The following ATG10 variants were observed in gnomAD, a reference collection of about 807,000 sequenced individuals.
ATG10 encodes ubiquitin-like-conjugating enzyme ATG10.
In ATG10, 30 loss-of-function variants were observed where a neutral mutation model predicts 32.1. The observed-to-expected ratio is 0.94, with a 90% CI of 0.70 to 1.27. The LOEUF is 1.27. ATG10 is among the 50% of genes most tolerant of loss of function. ATG10 has a pLI of 0.00. For synonymous variants in ATG10, 87 were observed against 91.5 expected (o/e 0.95, Z 0.28); for missense variants, 233 against 262.3 (o/e 0.89, Z 0.77).
intron 5 of ATG10, among the ~76,000 whole-genome samples, chr5:82,229,220 A>G (rs1462876074): frequency 1.3e-5 from 2 of 152,188 alleles, no homozygotes; most frequent in African/African-American, 4.8e-5. Flanking sequence ...ATGCTCTGAG[A>G]CAATTTTACT....
chr5:82,151,605 T>C (rs1767595975), intron 3 of ATG10, among the ~76,000 whole-genome samples: 2 of 150,124 alleles, frequency 1.3e-5, no homozygotes, highest in Admixed American at 1.3e-4. Flanking sequence ...TTTAAAAGTT[T>C]CCTGCAAAGA....
intron 2 of ATG10, among the ~76,000 whole-genome samples, chr5:82,007,044 G>A (rs1334674206): frequency 6.6e-6 from 1 of 151,968 alleles, no homozygotes; most frequent in Non-Finnish European, 1.5e-5. Flanking sequence ...AGTAGAGATG[G>A]GGTTTTACCA....
chr5:82,025,252 T>C (rs1762561073), intron 2 of ATG10, among the ~76,000 whole-genome samples: 2 of 152,156 alleles, frequency 1.3e-5, no homozygotes, highest in Non-Finnish European at 2.9e-5. Context: ...TAACATAGGG[T>C]CATAAAAATG....
intron 2 of ATG10, among the ~76,000 whole-genome samples, chr5:82,012,425 T>C (rs1398781800): frequency 6.6e-6 from 1 of 152,214 alleles, no homozygotes; most frequent in Non-Finnish European, 1.5e-5. Context: ...GGTACTTTCT[T>C]TTGTGATTTT....
At chr5:82,064,017 T>G (rs916814129) in intron 3 of ATG10, among the ~76,000 whole-genome samples, 5 of 152,172 alleles carry the variant, frequency 3.3e-5, no homozygotes, top group African/African-American at 1.2e-4. Context: ...TGAAAGGGAT[T>G]GATTGTGCTC....
At chr5:82,046,335 C>T (rs538943210) in intron 2 of ATG10, among the ~76,000 whole-genome samples, 4 of 152,218 alleles carry the variant, frequency 2.6e-5, no homozygotes, top group African/African-American at 7.2e-5. Context: ...AAATCCAATA[C>T]GACTGGTATC....
chr5:82,243,646 C>T (rs113113275), intron 5 of ATG10, among the ~76,000 whole-genome samples: 347 of 152,036 alleles, frequency 2.3e-3, no homozygotes, highest in African/African-American at 7.9e-3. Context: ...TCACAGCTTC[C>T]GGATATATAA....
intron 5 of ATG10, among the ~76,000 whole-genome samples, chr5:82,217,673 A>C (rs1325690377): frequency 6.6e-6 from 1 of 151,966 alleles, no homozygotes; most frequent in African/African-American, 2.4e-5. Flanking sequence ...GCATTGTCTC[A>C]TTTAATTCTC....
chr5:82,085,178 A>G (rs1764634120), intron 3 of ATG10, among the ~76,000 whole-genome samples: 2 of 152,288 alleles, frequency 1.3e-5, no homozygotes, highest in South Asian at 4.2e-4. Context: ...CAGGGGTTGC[A>G]ATCCTAGTCT....
intron 5 of ATG10, among the ~76,000 whole-genome samples, chr5:82,192,240 C>CA (rs1345550889): frequency 2.6e-5 from 4 of 152,164 alleles, no homozygotes; most frequent in Non-Finnish European, 5.9e-5. Context: ...TCTAGAATGA[C>CA]AGATTCCTGA....
At chr5:82,172,486 G>A (rs1743845767) in intron 4 of ATG10, among the ~76,000 whole-genome samples, 1 of 152,114 alleles carries the variant, frequency 6.6e-6, no homozygotes, top group Non-Finnish European at 1.5e-5. Context: ...TTGACACTTA[G>A]TGCCTTTCAA....
At chr5:82,035,311 T>C (rs1372081691) in intron 2 of ATG10, among the ~76,000 whole-genome samples, 3 of 152,220 alleles carry the variant, frequency 2.0e-5, no homozygotes, top group Non-Finnish European at 4.4e-5. Flanking sequence ...CCCTCCAGAA[T>C]GTAAGCTCCA....
intron 3 of ATG10, among the ~76,000 whole-genome samples, chr5:82,163,349 C>T (rs1398156884): frequency 6.6e-6 from 1 of 152,068 alleles, no homozygotes; most frequent in Non-Finnish European, 1.5e-5. Context: ...TGTAATATCT[C>T]CCCAGTGAAC....
At position 81,981,336 on chromosome 5, in the gene ATG10, T is replaced by G. The variant is rs571050664; in HGVS notation, c.-12-6223T>G. The stretch of plus-strand genomic sequence containing the variant: ...TCAGGTTATTTTTCTGGCCAAGGCC[T>G]AGGATTCCACATTTGAATTTGCACT... On this transcript the variant is annotated intron_variant, in intron 1 of 7. Transcript: ENST00000282185. Among the ~76,000 whole-genome samples, 8 of 152,376 alleles carry G rather than the reference T, an allele frequency of 5.3e-5. No homozygotes were observed. In the South Asian group the frequency reaches 1.7e-3, roughly 32 times the overall value.
intron 5 of ATG10, among the ~76,000 whole-genome samples, chr5:82,188,773 T>G (rs961182128): frequency 6.6e-6 from 1 of 152,070 alleles, no homozygotes; most frequent in Non-Finnish European, 1.5e-5. Context: ...TAGTAAGGAG[T>G]ATATGCTACC....
intron 3 of ATG10, among the ~76,000 whole-genome samples, chr5:82,060,076 T>A (rs898109600): frequency 3.3e-5 from 5 of 152,124 alleles, no homozygotes; most frequent in Admixed American, 2.0e-4. Flanking sequence ...AACTGACACT[T>A]TCTGGTTGAT....
intron 3 of ATG10, among the ~76,000 whole-genome samples, chr5:82,136,300 C>A (rs745757767): frequency 2.2e-4 from 33 of 152,138 alleles, no homozygotes; most frequent in Middle Eastern, 3.4e-3. Flanking sequence ...CTGGTTAGTT[C>A]ATGCAGTTTC....
intron 5 of ATG10, among the ~76,000 whole-genome samples, chr5:82,229,795 A>C (rs1746276768): frequency 6.6e-6 from 1 of 152,160 alleles, no homozygotes; most frequent in Non-Finnish European, 1.5e-5. Context: ...ACTTTACATA[A>C]GGGACTTGAA....
intron 3 of ATG10, among the ~76,000 whole-genome samples, chr5:82,161,696 A>AACACAC (rs60780834): frequency 0.041 from 5,285 of 129,672 alleles, 154 homozygotes; most frequent in African/African-American, 0.067. Context: ...TTAGAGAATA[A>AACACAC]ACACACACAC....
Sources: allele counts gnomAD v4.1 joint callset (sites outside exome capture counted in the v4.1 genomes callset), GRCh38; gene constraint gnomAD v4.1.1; transcripts MANE v1.5; gene names NCBI Gene and HGNC (gene_info 2026-07-23, HGNC 2026-07-21).